Variants in TMEM163 observed in about 807,000 individuals in gnomAD.
TMEM163 encodes the protein transmembrane protein 163.
TMEM163 carries 17 observed loss-of-function variants against 29.3 expected under a neutral mutation model. The observed-to-expected ratio is 0.58, with a 90% CI of 0.40 to 0.87. The LOEUF is 0.87. TMEM163 is among the 40% of genes least tolerant of loss of function. The pLI, the probability that TMEM163 is intolerant of heterozygous loss-of-function variation, is 0.00. For synonymous variants in TMEM163, 157 were observed against 160.6 expected (o/e 0.98, Z 0.17); for missense variants, 303 against 381.5 (o/e 0.79, Z 1.71).
At chr2:134,585,741 CAA>C (rs35588366) in intron 2 of TMEM163, among the ~76,000 whole-genome samples, 2 of 141,710 alleles carry the variant, frequency 1.4e-5, no homozygotes, top group Non-Finnish European at 1.5e-5. Context: ...GACTCCGTCT[CAA>C]AAAAAAAAAA....
intron 2 of TMEM163, among the ~76,000 whole-genome samples, chr2:134,687,424 TAAAC>T (rs1189581060): frequency 3.3e-5 from 5 of 152,194 alleles, no homozygotes; most frequent in African/African-American, 7.2e-5. Flanking sequence ...ATTATGCTGA[TAAAC>T]AAAATCAATG....
intron 5 of TMEM163, among the ~76,000 whole-genome samples, chr2:134,471,775 T>C (rs1357281439): frequency 6.6e-6 from 1 of 152,024 alleles, no homozygotes; most frequent in African/African-American, 2.4e-5. Context: ...ACTGTCAGAG[T>C]GGGCGTCTGA....
At chr2:134,640,016 T>G (rs564127820) in intron 2 of TMEM163, among the ~76,000 whole-genome samples, 2 of 152,218 alleles carry the variant, frequency 1.3e-5, no homozygotes, top group Non-Finnish European at 2.9e-5. Flanking sequence ...GTATAGTTTA[T>G]CTAAGACTTT....
intron 2 of TMEM163, among the ~76,000 whole-genome samples, chr2:134,673,649 GGAA>G (rs1489248329): frequency 6.6e-6 from 1 of 152,158 alleles, no homozygotes; most frequent in Non-Finnish European, 1.5e-5. Context: ...GTAGGAGAGT[GGAA>G]GAAGGAGATG....
intron 2 of TMEM163, among the ~76,000 whole-genome samples, chr2:134,626,917 C>T (rs1448156188): frequency 2.0e-5 from 3 of 152,172 alleles, no homozygotes; most frequent in East Asian, 3.8e-4. Context: ...TCTGAGCACA[C>T]GTTTAAGCCT....
At chr2:134,692,211 G>GC (rs1453594880) in intron 2 of TMEM163, among the ~76,000 whole-genome samples, 1 of 152,046 alleles carries the variant, frequency 6.6e-6, no homozygotes, top group Non-Finnish European at 1.5e-5. Flanking sequence ...CAGGAGCACA[G>GC]CCCTGCTGAC....
At chr2:134,510,154 T>TTAA (rs1336211092) in intron 4 of TMEM163, among the ~76,000 whole-genome samples, 1 of 152,204 alleles carries the variant, frequency 6.6e-6, no homozygotes, top group Non-Finnish European at 1.5e-5. Context: ...CCTGTTGTAT[T>TTAA]TAATAGTTAC....
At chr2:134,485,719 T>C (rs1041170627) in intron 5 of TMEM163, among the ~76,000 whole-genome samples, 1 of 152,218 alleles carries the variant, frequency 6.6e-6, no homozygotes, top group African/African-American at 2.4e-5. Flanking sequence ...AAAATGCCTA[T>C]ATATTGAATA....
chr2:134,502,836 A>G (rs892730200), intron 5 of TMEM163, 65 bp downstream of exon 5: 4 of 1,462,942 alleles, frequency 2.7e-6, no homozygotes, highest in Non-Finnish European at 3.8e-6. Context: ...GAACCCTGCG[A>G]TAAGAGGCAG....
chr2:134,659,126 G>A (rs1351124811), intron 2 of TMEM163, among the ~76,000 whole-genome samples: 1 of 152,260 alleles, frequency 6.6e-6, no homozygotes, highest in East Asian at 1.9e-4. Context: ...CATGTTACTA[G>A]ACTGAATACT....
rs60873977 is a variant in TMEM163, at chr2:134,460,078, C to CT, written c.668-1906_668-1905insA. ...CTCGAGCCCCTTGCCAGATGTTACC[C>CT]CCCCCCAAATTCATTCTCACTCTCC... is the stretch of plus-strand genomic sequence containing the variant. On this transcript the variant is annotated intron_variant, in intron 6 of 7. Coordinates refer to ENST00000281924, the MANE Select transcript of TMEM163 (RefSeq NM_030923.5). The surrounding 1 kb of genome is among the most constrained non-coding windows in gnomAD (Gnocchi z 4.3). Among the ~76,000 whole-genome samples the CT allele has an allele frequency of 7.0e-6, 1 of 142,532 alleles. No homozygotes were observed. The highest frequency in any genetic ancestry group is 6.9e-5 in the Admixed American group (1 of 14,532). The allele number at this position is 142,532 out of a possible 152,430, so 93.5% of individuals were successfully genotyped here.
intron 2 of TMEM163, among the ~76,000 whole-genome samples, chr2:134,570,333 A>G (rs1454306436): frequency 6.6e-6 from 1 of 152,152 alleles, no homozygotes; most frequent in African/African-American, 2.4e-5. Flanking sequence ...AAAAGGCATT[A>G]ATTTGTGGGT....
At chr2:134,711,711 A>G (rs571252260) in intron 2 of TMEM163, among the ~76,000 whole-genome samples, 1 of 152,330 alleles carries the variant, frequency 6.6e-6, no homozygotes, top group African/African-American at 2.4e-5. Flanking sequence ...ATTTTTGTCT[A>G]TTATGAGACT....
intron 2 of TMEM163, among the ~76,000 whole-genome samples, chr2:134,575,092 TG>T (rs1288245480): frequency 3.3e-5 from 5 of 151,642 alleles, no homozygotes; most frequent in African/African-American, 1.2e-4. Flanking sequence ...GCATGCAAAA[TG>T]GGAGGCCAGA....
intron 2 of TMEM163, among the ~76,000 whole-genome samples, chr2:134,699,996 T>TA (rs1684663136): frequency 6.6e-6 from 1 of 152,224 alleles, no homozygotes; most frequent in Middle Eastern, 3.2e-3. Flanking sequence ...TCTGTGGTCT[T>TA]ACGTTTTAAA....
chr2:134,655,341 A>G (rs199540286), intron 2 of TMEM163, among the ~76,000 whole-genome samples: 50,009 of 102,772 alleles, frequency 0.49, 14,568 homozygotes, highest in African/African-American at 0.54. Context: ...TGATCGCATC[A>G]GCTCCTGAGG....
chr2:134,532,487 CT>C (rs1165712524), intron 4 of TMEM163, among the ~76,000 whole-genome samples: 1 of 152,198 alleles, frequency 6.6e-6, no homozygotes, highest in African/African-American at 2.4e-5. Context: ...AGCTCCTTTG[CT>C]TTTGATAGGA....
At chr2:134,506,926 A>G (rs144843785) in intron 4 of TMEM163, among the ~76,000 whole-genome samples, 85 of 152,336 alleles carry the variant, frequency 5.6e-4, no homozygotes, top group African/African-American at 1.9e-3. Flanking sequence ...GTCACTAAAA[A>G]GAATATAGAC....
intron 2 of TMEM163, among the ~76,000 whole-genome samples, chr2:134,571,111 G>A (rs574083280): frequency 1.7e-4 from 26 of 152,198 alleles, no homozygotes; most frequent in African/African-American, 4.8e-4. Context: ...ATTAGGAACC[G>A]ATTCACACAA....
Sources: allele counts gnomAD v4.1 joint callset (sites outside exome capture counted in the v4.1 genomes callset), GRCh38; gene constraint gnomAD v4.1.1; non-coding constraint Gnocchi (gnomAD v3.1); transcripts MANE v1.5; gene names NCBI Gene and HGNC (gene_info 2026-07-23, HGNC 2026-07-21).